The following ITPR2 variants were observed in gnomAD, a reference collection of about 807,000 sequenced individuals.
The protein encoded by ITPR2 is inositol 1,4,5-trisphosphate-gated calcium channel ITPR2.
A neutral mutation model predicts 317.1 loss-of-function variants in ITPR2; 207 were observed. The observed-to-expected ratio is 0.65, with a 90% CI of 0.58 to 0.73. The LOEUF is 0.73. ITPR2 is among the 30% of genes least tolerant of loss of function. The probability of loss-of-function intolerance (pLI) is 0.00; values close to 1 mark genes in which losing one functional copy is unlikely to be tolerated. For missense variants in ITPR2, 2,613 were observed against 3,284.0 expected, an observed-to-expected ratio of 0.80 and a Z score of 4.99; for synonymous variants, 1,156 against 1,149.1, an observed-to-expected ratio of 1.01 and a Z score of -0.12.
chr12:26,370,579 A>C (rs1243878939), intron 55 of ITPR2, among the ~76,000 whole-genome samples: 4 of 152,220 alleles, frequency 2.6e-5, no homozygotes, highest in Non-Finnish European at 5.9e-5. Flanking sequence ...CGGAATTTTC[A>C]CTAAAATATA....
intron 49 of ITPR2, chr12:26,419,436 G>T (rs192183712): frequency 4.7e-6 from 2 of 421,174 alleles, no homozygotes; most frequent in South Asian, 3.3e-5. Context: ...AAACTGGCAC[G>T]TAAACATAAT....
Position 26,547,184 on chromosome 12 carries a change from GA to G in ITPR2, c.5073+3062del, listed in dbSNP as rs750697890. On this transcript the variant is annotated intron_variant, in intron 37 of 56. Transcript: ENST00000381340. ...GGAGACTAGTAACCAAAATATACAA[GA>G]AACTCAAACAACTCAACAGGACAAA... 5.3e-5 allele frequency among the ~76,000 whole-genome samples: 8 copies of G among 152,156 alleles called. No homozygotes were observed. The South Asian group carries it at 6.2e-4, about 12-fold the overall frequency.
chr12:26,545,476 C>A (rs900505276), intron 37 of ITPR2, among the ~76,000 whole-genome samples: 6 of 152,036 alleles, frequency 3.9e-5, no homozygotes, highest in Non-Finnish European at 8.8e-5. Flanking sequence ...AGGTGGCCTC[C>A]AGAATCCAGA....
intron 14 of ITPR2, among the ~76,000 whole-genome samples, chr12:26,664,399 T>C (rs568062744): frequency 6.6e-5 from 10 of 152,330 alleles, no homozygotes; most frequent in African/African-American, 1.9e-4. Context: ...TGTGACAAAT[T>C]AGGAGCCACA....
chr12:26,358,412 AAAAAAAAAAAG>A (rs1938709415), intron 55 of ITPR2, among the ~76,000 whole-genome samples: 1 of 324 alleles, frequency 3.1e-3, no homozygotes, highest in African/African-American at 3.1e-3. Flanking sequence ...AAAAAAAAAA[AAAAAAAAAAAG>A]AATAAAGTCG....
At chr12:26,731,608 G>A (rs1245067642) in intron 2 of ITPR2, among the ~76,000 whole-genome samples, 1 of 152,052 alleles carries the variant, frequency 6.6e-6, no homozygotes, top group African/African-American at 2.4e-5. Context: ...GCCAGCCTGG[G>A]CAACAAATTG....
chr12:26,385,961 G>C (rs886224040), intron 55 of ITPR2, among the ~76,000 whole-genome samples: 14 of 152,094 alleles, frequency 9.2e-5, no homozygotes, highest in Admixed American at 6.6e-4. Context: ...TTCCTTGGCA[G>C]AGGGGAAATA....
chr12:26,472,895 T>G (rs1942328445), intron 45 of ITPR2, among the ~76,000 whole-genome samples: 1 of 152,144 alleles, frequency 6.6e-6, no homozygotes, highest in Admixed American at 6.5e-5. Flanking sequence ...TTTGTTTGTT[T>G]GTTCGTTTTG....
intron 7 of ITPR2, 139 bp downstream of exon 7, chr12:26,715,613 A>G: frequency 3.9e-6 from 3 of 772,976 alleles, no homozygotes; most frequent in Non-Finnish European, 6.2e-6. Flanking sequence ...AAATTCAGTA[A>G]AACACTTAGA....
intron 24 of ITPR2, 138 bp downstream of exon 24, chr12:26,624,161 T>G: frequency 1.6e-6 from 1 of 614,474 alleles, no homozygotes; most frequent in South Asian, 2.3e-5. Context: ...GCAGCTTCAT[T>G]TCTGGCAGAA....
At chr12:26,751,172 T>G (rs563374271) in intron 2 of ITPR2, among the ~76,000 whole-genome samples, 1 of 152,214 alleles carries the variant, frequency 6.6e-6, no homozygotes, top group African/African-American at 2.4e-5. Context: ...TTCAATAATG[T>G]GGGCAACTCA....
chr12:26,439,481 T>C (rs1941436084), intron 46 of ITPR2, among the ~76,000 whole-genome samples, 162 bp from the exon 47 acceptor site: 1 of 152,220 alleles, frequency 6.6e-6, no homozygotes, highest in Admixed American at 6.5e-5. Context: ...TATACTACTT[T>C]GTATTTTTCT....
intron 9 of ITPR2, among the ~76,000 whole-genome samples, chr12:26,707,201 G>A (rs993623482): frequency 6.6e-6 from 1 of 152,196 alleles, no homozygotes; most frequent in Non-Finnish European, 1.5e-5. Flanking sequence ...ACCATGCTGT[G>A]CATTTACCAG....
chr12:26,394,801 G>C (rs1939945689), intron 54 of ITPR2, among the ~76,000 whole-genome samples: 1 of 152,188 alleles, frequency 6.6e-6, no homozygotes, highest in Non-Finnish European at 1.5e-5. Context: ...GTGGCTGTGG[G>C]AATGTGTGGA....
At position 26,655,752 on chromosome 12, in the gene ITPR2, G is replaced by A. The variant is rs761721371; in HGVS notation, c.2545C>T (p.Pro849Ser). 7 of 1,613,046 alleles carry A rather than the reference G, an allele frequency of 4.3e-6. No individual in the cohort carries two copies. Among genetic ancestry groups the A allele is most frequent in the Non-Finnish European group, 5.9e-6 (7 of 1,179,336 alleles). ...EEYLKEVVNQ[P>S]FPFGDKEKNK... is the part of the protein sequence containing the mutation. ...TTTTCTTTATCCCCAAAAGGAAAGGGCTGGTTTACAACTTCTTTCAAATAT... is the reference window on the plus strand; with the variant it reads ...TTTTCTTTATCCCCAAAAGGAAAGGACTGGTTTACAACTTCTTTCAAATAT... Residue 849 changes from proline (P) to serine (S), a missense_variant, in exon 20 of 57, where the codon CCC becomes TCC. By Grantham distance (74) the Pro-to-Ser change is moderately conservative. This residue lies in a region of ITPR2 where 817 missense variants were observed against 897.6 expected (regional missense o/e 0.91). Coordinates refer to ENST00000381340, the MANE Select transcript of ITPR2 (RefSeq NM_002223.4).
chr12:26,669,585 G>C (rs1947702197), intron 13 of ITPR2, among the ~76,000 whole-genome samples: 1 of 152,236 alleles, frequency 6.6e-6, no homozygotes, highest in South Asian at 2.1e-4. Context: ...GGCCGAATAG[G>C]AACAGCTCGG....
intron 10 of ITPR2, among the ~76,000 whole-genome samples, chr12:26,690,096 T>C (rs544943380): frequency 1.3e-5 from 2 of 152,328 alleles, no homozygotes; most frequent in East Asian, 1.9e-4. Flanking sequence ...ACAGAAGTTA[T>C]GAACAAGATC....
chr12:26,778,900 G>A (rs911106322), intron 2 of ITPR2, among the ~76,000 whole-genome samples: 10 of 152,102 alleles, frequency 6.6e-5, no homozygotes, highest in Non-Finnish European at 1.2e-4. Flanking sequence ...AGGGTAAATT[G>A]CTGCATTTGG....
At chr12:26,520,043 T>G (rs867689657) in intron 37 of ITPR2, among the ~76,000 whole-genome samples, 2 of 152,146 alleles carry the variant, frequency 1.3e-5, no homozygotes, top group Non-Finnish European at 2.9e-5. Flanking sequence ...GCAAGGGCAA[T>G]GAAGGTGGGA....
Sources: allele counts gnomAD v4.1 joint callset (sites outside exome capture counted in the v4.1 genomes callset), GRCh38; gene constraint gnomAD v4.1.1; regional missense constraint gnomAD v4.1.1; transcripts MANE v1.5; gene names NCBI Gene and HGNC (gene_info 2026-07-23, HGNC 2026-07-21).